Variants in PTPRO observed in about 807,000 individuals in gnomAD.
The protein encoded by PTPRO is receptor-type tyrosine-protein phosphatase O.
In PTPRO, 62 loss-of-function variants were observed where a neutral mutation model predicts 145.2. The observed-to-expected ratio is 0.43, with a 90% confidence interval of 0.35 to 0.53. The LOEUF is 0.53. PTPRO is among the 20% of genes least tolerant of loss of function. The pLI is 0.01. For synonymous variants in PTPRO, 565 were observed against 514.7 expected (o/e 1.10, Z -1.32); for missense variants, 1,345 against 1,482.7 (o/e 0.91, Z 1.53).
intron 18 of PTPRO, among the ~76,000 whole-genome samples, chr12:15,566,628 C>T (rs1179171639): frequency 2.6e-5 from 4 of 152,104 alleles, no homozygotes; most frequent in African/African-American, 4.8e-5. Flanking sequence ...TCAAGTGATT[C>T]TCCTGCCTCA....
At chr12:15,431,494 T>C (rs758665028) in intron 1 of PTPRO, among the ~76,000 whole-genome samples, 1 of 152,224 alleles carries the variant, frequency 6.6e-6, no homozygotes, top group Non-Finnish European at 1.5e-5. Flanking sequence ...CCTTCTGTAA[T>C]TAAAACATTT....
At chr12:15,498,856 C>G (rs536358153) in intron 3 of PTPRO, among the ~76,000 whole-genome samples, 1 of 152,254 alleles carries the variant, frequency 6.6e-6, no homozygotes, top group South Asian at 2.1e-4. Context: ...GATTTCAATT[C>G]AATAAGTGGT....
rs184755997 is a variant in PTPRO at position 15,476,012 on chromosome 12, G to A, written c.76-7962G>A. ...GGATTGTAAGGAAAGCAAAAAGATA[G>A]AAGAGAAGAAAAGATAAAATTTGCA... On this transcript the variant is annotated intron_variant, in intron 1 of 26. Coordinates refer to ENST00000281171, the MANE Select transcript of PTPRO (RefSeq NM_030667.3). 2.3e-3 allele frequency among the ~76,000 whole-genome samples: 356 copies of A among 152,320 alleles called. 1 individual carries two copies. The highest frequency in any genetic ancestry group is 8.1e-3 in the African/African-American group (338 of 41,576).
At chr12:15,528,671 T>C (rs1283501772) in intron 12 of PTPRO, among the ~76,000 whole-genome samples, 3 of 152,130 alleles carry the variant, frequency 2.0e-5, no homozygotes, top group Non-Finnish European at 1.5e-5. Flanking sequence ...GCCAGGTTCA[T>C]GAGGGTCTGA....
intron 1 of PTPRO, among the ~76,000 whole-genome samples, chr12:15,454,041 G>C (rs1165686809): frequency 6.6e-6 from 1 of 152,162 alleles, no homozygotes; most frequent in Non-Finnish European, 1.5e-5. Context: ...GTGAACAAGA[G>C]AGTGCAAATA....
chr12:15,529,433 G>T (rs1301890387), intron 12 of PTPRO, among the ~76,000 whole-genome samples: 2 of 148,982 alleles, frequency 1.3e-5, no homozygotes, highest in African/African-American at 2.5e-5. Flanking sequence ...TTGGTGAATC[G>T]CTTGAGCCCA....
Position 15,494,796 on chromosome 12 carries a change from AT to A in PTPRO, c.350-2447del, listed in dbSNP as rs138952223. Among the ~76,000 whole-genome samples, 110 of 152,332 alleles carry A rather than the reference AT, an allele frequency of 7.2e-4. No individual in the cohort carries two copies. In the East Asian group the frequency reaches 0.02, roughly 28 times the overall value. On this transcript the variant is annotated intron_variant, in intron 2 of 26. Coordinates refer to ENST00000281171, the MANE Select transcript of PTPRO (RefSeq NM_030667.3). ...GACTTCGTGCCTCAGGGCATGAAAG[AT>A]TGAGTGCCCTTCTAACTTCTCTTTT...
intron 12 of PTPRO, among the ~76,000 whole-genome samples, chr12:15,542,744 ATAAT>A (rs1476293995): frequency 6.6e-6 from 1 of 152,210 alleles, no homozygotes; most frequent in African/African-American, 2.4e-5. Context: ...ATCAATATAA[ATAAT>A]TATTAATAAG....
chr12:15,588,093 G>A (rs1390834269), intron 24 of PTPRO, among the ~76,000 whole-genome samples: 1 of 152,180 alleles, frequency 6.6e-6, no homozygotes, highest in Non-Finnish European at 1.5e-5. Context: ...AAGATTATCT[G>A]TTCTCAAAAT....
intron 1 of PTPRO, among the ~76,000 whole-genome samples, chr12:15,360,852 G>GTGTATATATACA (rs1938164309): frequency 9.0e-6 from 1 of 110,568 alleles, no homozygotes; most frequent in Non-Finnish European, 2.0e-5. Context: ...GTGTATATAT[G>GTGTATATATACA]TGTGTGTATA....
Position 15,594,636 on chromosome 12 carries a change from T to C in PTPRO, c.3547-301T>C, listed in dbSNP as rs112273524. Among the ~76,000 whole-genome samples, 632 of 152,154 alleles carry C rather than the reference T, an allele frequency of 4.2e-3. 13 individuals carry two copies. Among genetic ancestry groups the C allele is most frequent in the African/African-American group, 0.015 (608 of 41,518 alleles). ...TGGTAATCATTTCATAACATATATG[T>C]ATATCAAGTCATCACATTGTACACC... On this transcript the variant is annotated intron_variant, in intron 25 of 26. Transcript: ENST00000281171.
At chr12:15,544,360 C>T (rs1360106854) in intron 12 of PTPRO, among the ~76,000 whole-genome samples, 2 of 151,778 alleles carry the variant, frequency 1.3e-5, no homozygotes, top group Non-Finnish European at 1.5e-5. Flanking sequence ...AAAAAATTAG[C>T]TGGGCATGGT....
At chr12:15,528,680 G>A (rs963549588) in intron 12 of PTPRO, among the ~76,000 whole-genome samples, 2 of 152,026 alleles carry the variant, frequency 1.3e-5, no homozygotes. Context: ...ATGAGGGTCT[G>A]AGAATACCAA....
At chr12:15,443,081 T>C (rs1354453087) in intron 1 of PTPRO, among the ~76,000 whole-genome samples, 1 of 152,004 alleles carries the variant, frequency 6.6e-6, no homozygotes, top group Non-Finnish European at 1.5e-5. Context: ...CTACACTATA[T>C]GCTACAGTAC....
At chr12:15,357,422 T>C (rs1176753898) in intron 1 of PTPRO, among the ~76,000 whole-genome samples, 1 of 152,296 alleles carries the variant, frequency 6.6e-6, no homozygotes, top group South Asian at 2.1e-4. Flanking sequence ...TTTAAGAAAA[T>C]ATTTTCAAAT....
chr12:15,544,506 CAAAAAA>C (rs61249816), intron 12 of PTPRO, among the ~76,000 whole-genome samples: 1 of 73,236 alleles, frequency 1.4e-5, no homozygotes, highest in Non-Finnish European at 2.7e-5. Flanking sequence ...GACTCCATCT[CAAAAAA>C]AAAAAAAAAA....
chr12:15,398,393 T>C (rs1939400830), intron 1 of PTPRO, among the ~76,000 whole-genome samples: 1 of 152,094 alleles, frequency 6.6e-6, no homozygotes, highest in African/African-American at 2.4e-5. Flanking sequence ...TTATGTTTTG[T>C]CTTTGACCTT....
intron 12 of PTPRO, among the ~76,000 whole-genome samples, chr12:15,534,949 A>G (rs765421085): frequency 6.6e-6 from 1 of 152,132 alleles, no homozygotes; most frequent in South Asian, 2.1e-4. Context: ...GTTGTAATGG[A>G]GATGAAGAGA....
intron 1 of PTPRO, among the ~76,000 whole-genome samples, chr12:15,375,760 CAAA>C (rs529757376): frequency 6.5e-4 from 55 of 84,608 alleles, no homozygotes; most frequent in Non-Finnish European, 8.2e-4. Flanking sequence ...TGTCCCCCAC[CAAA>C]AAAAAAAAAA....
Sources: gnomAD v4.1 joint callset for allele counts (sites outside exome capture counted in the v4.1 genomes callset) on GRCh38, gnomAD v4.1.1 for gene constraint, MANE v1.5 for transcripts, NCBI Gene and HGNC (gene_info 2026-07-23, HGNC 2026-07-21) for gene names.